Variants in FLNB observed in about 807,000 individuals in gnomAD.
The protein encoded by FLNB is filamin-B.
In FLNB, 111 loss-of-function variants were observed where a neutral mutation model predicts 250.6. That is an observed-to-expected ratio of 0.44 (90% CI 0.38 to 0.52). The LOEUF is 0.52. Ranked by LOEUF, FLNB falls within the 20% of genes least tolerant of loss-of-function variation. FLNB has a pLI of 0.00. For synonymous variants in FLNB, 1,302 were observed against 1,372.1 expected, an observed-to-expected ratio of 0.95 and a Z score of 1.13; for missense variants, 2,869 against 3,447.8, an observed-to-expected ratio of 0.83 and a Z score of 4.20.
intron 25 of FLNB, chr3:58,132,558 C>T (rs570660059): frequency 5.3e-6 from 3 of 565,940 alleles, no homozygotes; most frequent in African/African-American, 1.9e-5. Context: ...CTTAATTATA[C>T]TCTAGGGCAG....
intron 34 of FLNB, 145 bp from the exon 35 acceptor site, chr3:58,148,061 C>T (rs908675403): frequency 3.8e-6 from 3 of 786,292 alleles, no homozygotes; most frequent in Non-Finnish European, 6.5e-6. Context: ...TGGGTCTACT[C>T]AGTGTTCAAG....
intron 10 of FLNB, 97 bp from the exon 11 acceptor site, chr3:58,104,983 G>A: frequency 2.0e-6 from 3 of 1,525,940 alleles, no homozygotes; most frequent in African/African-American, 1.4e-5. Context: ...AAAGGATCAG[G>A]CAAGTGGAAA....
chr3:58,103,293 T>TGTGTGTGTGTGTGTGTGC (rs1491138998), intron 9 of FLNB, among the ~76,000 whole-genome samples: 3 of 138,474 alleles, frequency 2.2e-5, no homozygotes, highest in Non-Finnish European at 3.1e-5. Flanking sequence ...TGTGTGTGTG[T>TGTGTGTGTGTGTGTGTGC]GCACGCGCGT....
At chr3:58,140,060 C>T (rs2097324021) in intron 29 of FLNB, among the ~76,000 whole-genome samples, 1 of 152,232 alleles carries the variant, frequency 6.6e-6, no homozygotes, top group Admixed American at 6.5e-5. Flanking sequence ...CGATCACCTA[C>T]AGTACCTGGT....
intron 35 of FLNB, 75 bp from the exon 36 acceptor site, chr3:58,148,574 A>C: frequency 7.3e-7 from 1 of 1,367,114 alleles, no homozygotes. Context: ...ACATATTTCT[A>C]TTTCTGAGAG....
intron 29 of FLNB, 134 bp from the exon 30 acceptor site, chr3:58,141,724 A>G: frequency 1.2e-6 from 1 of 846,924 alleles, no homozygotes; most frequent in South Asian, 1.4e-5. Flanking sequence ...GCAGTAAGAA[A>G]GTGTCCTTCG....
At position 58,125,832 on chromosome 3, in the gene FLNB, A is replaced by G. The variant is rs1161247880; in HGVS notation, c.4061+89A>G. ...TCATGGTTTCCTAACTTTTGATAAG[A>G]TGAATTTTTATTTTTATAACATGTA... On this transcript the variant is annotated intron_variant, in intron 23 of 45. Coordinates refer to ENST00000295956, the MANE Select transcript of FLNB (RefSeq NM_001457.4). The G allele has an allele frequency of 3.5e-5, 44 of 1,270,644 alleles. No homozygotes were observed. In the East Asian group the frequency reaches 9.8e-4, roughly 28 times the overall value. 78.7% of individuals were successfully genotyped at this position (1,270,644 alleles called of 1,614,324 possible).
chr3:58,073,947 C>G (rs1014554800), intron 1 of FLNB, among the ~76,000 whole-genome samples: 2 of 152,300 alleles, frequency 1.3e-5, no homozygotes, highest in East Asian at 3.9e-4. Flanking sequence ...CCTGTTTCCT[C>G]ACAGCCAGCA....
At chr3:58,145,850 T>G in intron 32 of FLNB, 71 bp from the exon 33 acceptor site, 2 of 1,603,706 alleles carry the variant, frequency 1.2e-6, no homozygotes, top group Admixed American at 1.7e-5. Flanking sequence ...GACGTCAAGA[T>G]GCCAGTTGTC....
chr3:58,148,514 T>G, intron 35 of FLNB, 135 bp from the exon 36 acceptor site: 3 of 1,208,292 alleles, frequency 2.5e-6, no homozygotes, highest in Non-Finnish European at 3.6e-6. Context: ...CCAAGCGTAT[T>G]TGTGCATTGT....
chr3:58,149,935 C>T lies in FLNB; in HGVS notation c.6177C>T (p.Val2059=). The T allele has an allele frequency of 6.2e-7, 1 of 1,614,242 alleles. No homozygotes were observed. The highest frequency in any genetic ancestry group is 1.3e-5 in the African/African-American group (1 of 75,058). Residue 2059 remains valine (V), a synonymous_variant, in exon 37 of 46, where the codon GTC becomes GTT. Transcript: ENST00000295956. ...ACCTGGAAGATGGCACCTGCAAAGT[C>T]TCCTACTTCCCTACCGTGCCTGGGG... ...TEDLEDGTCK[V]SYFPTVPGVY...
Position 58,008,872 on chromosome 3 carries a change from G to T in FLNB, c.292+16G>T, listed in dbSNP as rs761661209. The T allele has an allele frequency of 8.7e-6, 14 of 1,613,292 alleles. No individual in the cohort carries two copies. The highest frequency in any genetic ancestry group is 1.2e-5 in the Non-Finnish European group (14 of 1,179,882). On this transcript the variant is annotated intron_variant, in intron 1 of 45. Coordinates refer to ENST00000295956, the MANE Select transcript of FLNB (RefSeq NM_001457.4). ...GTGTCCATCGGTGAGTTCTCTGGCC[G>T]GGCCCAGGCGCCCACTGTGGTGCCG...
intron 1 of FLNB, among the ~76,000 whole-genome samples, chr3:58,036,262 CAG>C (rs2097138016): frequency 6.6e-6 from 1 of 152,152 alleles, no homozygotes; most frequent in African/African-American, 2.4e-5. Context: ...TTTATCAAGA[CAG>C]AGGAATTGCA....
intron 1 of FLNB, among the ~76,000 whole-genome samples, chr3:58,015,432 C>T (rs188832189): frequency 7.2e-5 from 11 of 152,246 alleles, no homozygotes; most frequent in Non-Finnish European, 4.4e-5. Context: ...AAGTTCAGAA[C>T]GTCTGATGAA....
intron 24 of FLNB, among the ~76,000 whole-genome samples, chr3:58,129,939 A>C (rs544772758): frequency 6.6e-6 from 1 of 152,080 alleles, no homozygotes; most frequent in Non-Finnish European, 1.5e-5. Flanking sequence ...GCAAATCACT[A>C]TCTCCTCTCC....
At position 58,172,096 on chromosome 3, in the gene FLNB, G is replaced by A. The variant is rs2097383249; in HGVS notation, c.*1334G>A. 1 of 152,388 alleles carries A rather than the reference G, an allele frequency of 6.6e-6. No individual in the cohort carries two copies. The allele number at this position is 152,388 out of a possible 1,614,324, so 9.4% of individuals were successfully genotyped here. ...GTGTAGTATCTGGGGCGAGTGTTGGGGGTAAAAGCCCACCCTACAGAAAGT... is the reference window on the plus strand; with the variant it reads ...GTGTAGTATCTGGGGCGAGTGTTGGAGGTAAAAGCCCACCCTACAGAAAGT... On this transcript the variant is annotated 3_prime_UTR_variant, in exon 46 of 46. Coordinates refer to ENST00000295956, the MANE Select transcript of FLNB (RefSeq NM_001457.4).
chr3:58,022,155 C>T (rs747472102), intron 1 of FLNB, among the ~76,000 whole-genome samples: 1 of 152,144 alleles, frequency 6.6e-6, no homozygotes, highest in African/African-American at 2.4e-5. Flanking sequence ...CAGGGGCAGG[C>T]GCTGTGTCTC....
chr3:58,052,840 T>C (rs2097164562), intron 1 of FLNB, among the ~76,000 whole-genome samples: 1 of 152,202 alleles, frequency 6.6e-6, no homozygotes, highest in Admixed American at 6.5e-5. Flanking sequence ...CTGTCCGGAT[T>C]TAAAGCAGCT....
chr3:58,053,507 C>A (rs1031393937), intron 1 of FLNB, among the ~76,000 whole-genome samples: 1 of 152,240 alleles, frequency 6.6e-6, no homozygotes, highest in Non-Finnish European at 1.5e-5. Context: ...GTCACCCGGG[C>A]TGGAGTGCAG....
Sources: gnomAD v4.1 joint callset for allele counts (sites outside exome capture counted in the v4.1 genomes callset) on GRCh38, gnomAD v4.1.1 for gene constraint, MANE v1.5 for transcripts, NCBI Gene and HGNC (gene_info 2026-07-23, HGNC 2026-07-21) for gene names.